The following SLC9A8 variants were observed in gnomAD, a reference collection of about 807,000 sequenced individuals.
SLC9A8 encodes sodium/hydrogen exchanger 8.
A neutral mutation model predicts 66.6 loss-of-function variants in SLC9A8; 48 were observed. The ratio of observed to expected loss-of-function variants is 0.72; its 90% CI spans 0.57 to 0.92. SLC9A8 has a LOEUF of 0.92. Ranked by LOEUF, SLC9A8 falls within the 40% of genes least tolerant of loss-of-function variation. SLC9A8 has a pLI of 0.00. For synonymous variants in SLC9A8, 274 were observed against 282.6 expected (o/e 0.97, Z 0.31); for missense variants, 599 against 747.3 (o/e 0.80, Z 2.31).
chr20:49,829,788 C>CA, intron 3 of SLC9A8: 1 of 550,210 alleles, frequency 1.8e-6, no homozygotes, highest in South Asian at 1.5e-5. Flanking sequence ...AGGAGAGAAG[C>CA]AGGCCAAACT....
chr20:49,862,771 G>A (rs1483026011), intron 8 of SLC9A8, among the ~76,000 whole-genome samples, 158 bp from the exon 9 acceptor site: 3 of 152,208 alleles, frequency 2.0e-5, no homozygotes, highest in Non-Finnish European at 4.4e-5. Flanking sequence ...CAGTACCTGG[G>A]ACAAAGTAGG....
rs969471074 is a variant in SLC9A8 at position 49,853,847 on chromosome 20, G to A, written c.570-1591G>A. On this transcript the variant is annotated intron_variant, in intron 7 of 15. Coordinates refer to ENST00000361573, the MANE Select transcript of SLC9A8 (RefSeq NM_015266.3). ...ATCCGGAGGCACTCTGGGTTAATGCGCATGAGTCACATTCACAGGCAGCTA... is the reference window on the plus strand; with the variant it reads ...ATCCGGAGGCACTCTGGGTTAATGCACATGAGTCACATTCACAGGCAGCTA... Among the ~76,000 whole-genome samples, 6 of 152,278 alleles carry A rather than the reference G, an allele frequency of 3.9e-5. No homozygotes were observed. The East Asian group carries it at 1.2e-3, about 29-fold the overall frequency.
intron 14 of SLC9A8, among the ~76,000 whole-genome samples, chr20:49,885,214 T>C (rs1331283270): frequency 2.0e-5 from 3 of 152,262 alleles, no homozygotes; most frequent in Non-Finnish European, 4.4e-5. Flanking sequence ...ACAAAAGCTC[T>C]AGCTTAGGCC....
intron 8 of SLC9A8, among the ~76,000 whole-genome samples, chr20:49,860,915 G>A (rs2088704128): frequency 6.6e-6 from 1 of 152,216 alleles, no homozygotes; most frequent in Admixed American, 6.5e-5. Flanking sequence ...CATCCTCATG[G>A]AATGAGGCAC....
At chr20:49,870,086 G>A (rs1403862955) in intron 10 of SLC9A8, among the ~76,000 whole-genome samples, 2 of 152,170 alleles carry the variant, frequency 1.3e-5, no homozygotes, top group Non-Finnish European at 2.9e-5. Context: ...GAAAGAATTT[G>A]ACATATTGTT....
intron 3 of SLC9A8, among the ~76,000 whole-genome samples, chr20:49,838,174 G>C (rs746154980): frequency 6.6e-6 from 1 of 152,184 alleles, no homozygotes; most frequent in Admixed American, 6.5e-5. Context: ...GGTTACCTTG[G>C]GCTAGGAAGA....
At chr20:49,852,680 G>C (rs2088302133) in intron 7 of SLC9A8, among the ~76,000 whole-genome samples, 1 of 152,176 alleles carries the variant, frequency 6.6e-6, no homozygotes, top group South Asian at 2.1e-4. Context: ...TGGAACAGCT[G>C]ACAGCCAGGT....
chr20:49,823,624 A>G (rs1265785500), intron 3 of SLC9A8, among the ~76,000 whole-genome samples: 1 of 151,842 alleles, frequency 6.6e-6, no homozygotes, highest in African/African-American at 2.4e-5. Context: ...CCCCACTTAC[A>G]TTTCTGTTTT....
At chr20:49,863,141 T>G in intron 9 of SLC9A8, 74 bp downstream of exon 9, 1 of 1,390,134 alleles carries the variant, frequency 7.2e-7, no homozygotes, top group Non-Finnish European at 9.6e-7. Flanking sequence ...CAGTTTCTCC[T>G]GTTTTTTAAG....
chr20:49,870,771 G>A (rs753031520), intron 10 of SLC9A8, among the ~76,000 whole-genome samples: 8 of 152,144 alleles, frequency 5.3e-5, no homozygotes, highest in Non-Finnish European at 7.3e-5. Context: ...GCACAATCAC[G>A]TCTCACTGCA....
chr20:49,886,692 G>A lies in SLC9A8; in HGVS notation c.1492-60G>A, dbSNP rs1267492226. 2 of 1,577,212 alleles carry A rather than the reference G, an allele frequency of 1.3e-6. No individual in the cohort carries two copies. Among genetic ancestry groups the A allele is most frequent in the Admixed American group, 1.8e-5 (1 of 56,494 alleles). On this transcript the variant is annotated intron_variant, in intron 14 of 15. Transcript: ENST00000361573. The surrounding 1 kb of genome is among the most constrained non-coding windows in gnomAD (Gnocchi z 4.8). ...GGCCTGGGTGGTGTGGGGGCTTCCAGGAGGTGCCCCCCGATGGTGCCAGCT... is the reference window on the plus strand; with the variant it reads ...GGCCTGGGTGGTGTGGGGGCTTCCAAGAGGTGCCCCCCGATGGTGCCAGCT...
chr20:49,850,827 A>T lies in SLC9A8; in HGVS notation c.552A>T (p.Lys184Asn). 6.2e-7 allele frequency: 1 copy of T among 1,610,296 alleles called. No homozygotes were observed. The highest frequency in any genetic ancestry group is 8.5e-7 in the Non-Finnish European group (1 of 1,178,816). Residue 184 changes from lysine to asparagine, a missense_variant, in exon 7 of 16, where the codon AAA (lysine) becomes AAT (asparagine). Physicochemically the swap from Lys to Asn is moderately conservative, Grantham distance 94. Around this residue, in one of 2 missense-constraint regions of SLC9A8, gnomAD observed 467 missense variants for 626.5 expected, o/e 0.75. Transcript: ENST00000361573. ...YFLGQADVIS[K>N]LNMTDSFAFG... The stretch of plus-strand genomic sequence containing the variant: ...TTTTACAGGCTGATGTAATCTCTAA[A>T]CTCAACATGACAGACAGGTAAATCC...
chr20:49,839,707 T>C, intron 4 of SLC9A8, 108 bp downstream of exon 4: 1 of 589,408 alleles, frequency 1.7e-6, no homozygotes, highest in African/African-American at 2.0e-5. Flanking sequence ...TTATGTTATA[T>C]ATCCCATTAC....
At chr20:49,836,085 G>A (rs1039721379) in intron 3 of SLC9A8, among the ~76,000 whole-genome samples, 22 of 152,102 alleles carry the variant, frequency 1.4e-4, no homozygotes, top group African/African-American at 4.8e-4. Flanking sequence ...ATGCCCTTTA[G>A]CTCTCCTCCC....
intron 2 of SLC9A8, among the ~76,000 whole-genome samples, chr20:49,821,714 A>G (rs2086745015): frequency 6.6e-6 from 1 of 152,228 alleles, no homozygotes; most frequent in African/African-American, 2.4e-5. Flanking sequence ...CATGCACGCT[A>G]ACATTTGGAT....
Position 49,848,227 on chromosome 20 carries a change from T to C in SLC9A8, c.433-1352T>C, listed in dbSNP as rs1010858903. ...GTTTGAGCCACCGAGCCCAGTCTAA[T>C]CTGTTTTTAAATAACAAAAGAAAAC... On this transcript the variant is annotated intron_variant, in intron 5 of 15. Coordinates refer to ENST00000361573, the MANE Select transcript of SLC9A8 (RefSeq NM_015266.3). Among the ~76,000 whole-genome samples the C allele has an allele frequency of 3.9e-5, 6 of 152,154 alleles. No individual in the cohort carries two copies. The South Asian group carries it at 1.0e-3, about 26-fold the overall frequency.
At chr20:49,832,942 A>G (rs574397983) in intron 3 of SLC9A8, among the ~76,000 whole-genome samples, 16 of 151,446 alleles carry the variant, frequency 1.1e-4, no homozygotes, top group East Asian at 5.8e-4. Context: ...GTCTCACTCT[A>G]TCACCCAGGC....
At position 49,863,008 on chromosome 20, in the gene SLC9A8, C is replaced by T. The variant is rs927570761; in HGVS notation, c.793C>T (p.Leu265Phe). The change falls in exon 9 of 16, where the codon CTC becomes TTC. Residue 265 changes from leucine to phenylalanine, a missense_variant. Around this residue, in one of 2 missense-constraint regions of SLC9A8, gnomAD observed 467 missense variants for 626.5 expected, o/e 0.75. Coordinates refer to ENST00000361573, the MANE Select transcript of SLC9A8 (RefSeq NM_015266.3). The part of the protein sequence containing the change: ...QTFLQALDYF[L>F]KMFFGSAALG... ...ATTTTTACAAGCCCTTGACTACTTC[C>T]TCAAAATGTTCTTTGGCTCTGCAGC... The T allele has an allele frequency of 2.5e-6, 4 of 1,613,808 alleles. No homozygotes were observed. Among genetic ancestry groups the T allele is most frequent in the African/African-American group, 2.7e-5 (2 of 74,924 alleles).
chr20:49,881,061 G>A (rs1057261641), intron 13 of SLC9A8, 26 bp downstream of exon 13: 2 of 1,528,060 alleles, frequency 1.3e-6, no homozygotes, highest in Non-Finnish European at 1.8e-6. Flanking sequence ...GATAAATGGG[G>A]TGGGGAAGTA....
Sources: gnomAD v4.1 joint callset for allele counts (sites outside exome capture counted in the v4.1 genomes callset) on GRCh38, gnomAD v4.1.1 for gene constraint, gnomAD v4.1.1 regional missense constraint, Gnocchi (gnomAD v3.1) non-coding constraint, MANE v1.5 for transcripts, NCBI Gene and HGNC (gene_info 2026-07-23, HGNC 2026-07-21) for gene names.